Variants in DEPDC5 observed in about 807,000 individuals in gnomAD.
DEPDC5 encodes the protein DEP domain containing 5, GATOR1 subcomplex subunit, also known as GATOR1 complex protein DEPDC5.
In DEPDC5, 73 loss-of-function variants were observed where a neutral mutation model predicts 217.3. The observed-to-expected ratio is 0.34, with a 90% CI of 0.28 to 0.41. DEPDC5 has a LOEUF of 0.41. DEPDC5 is among the 10% of genes least tolerant of loss of function. DEPDC5 has a pLI of 1.00. For missense variants in DEPDC5, 1,675 were observed against 2,070.1 expected (o/e 0.81, Z 3.70); for synonymous variants, 733 against 756.7 (o/e 0.97, Z 0.51).
chr22:31,762,891 T>G (rs2082513992), intron 4 of DEPDC5, among the ~76,000 whole-genome samples: 1 of 152,166 alleles, frequency 6.6e-6, no homozygotes, highest in South Asian at 2.1e-4. Flanking sequence ...CTTGGCTGAC[T>G]GCAACCTGCG....
At position 31,906,199 on chromosome 22, in the gene DEPDC5, C is replaced by G. The variant is rs746025571; in HGVS notation, c.4520-6C>G. 1 of 1,613,688 alleles carries G rather than the reference C, an allele frequency of 6.2e-7. No homozygotes were observed. Among genetic ancestry groups the G allele is most frequent in the South Asian group, 1.1e-5 (1 of 91,076 alleles). On this transcript the variant is annotated splice_polypyrimidine_tract_variant and splice_region_variant and intron_variant, in intron 42 of 42. Transcript: ENST00000651528. This position sits in a 1 kb window ranked among gnomAD's most constrained non-coding sequence, Gnocchi z 5.1. ...CTGCCACACAGGCGCTCCCCTTTCT[C>G]TTCAGGAACAGTGTTTCTGCAGCTG...
chr22:31,896,884 T>G lies in DEPDC5; in HGVS notation c.4204-598T>G, dbSNP rs571028553. ...CCTATAATCCTAGCATTTGGGAGGC[T>G]GAGGCCAGCGGATCACCTGAGTCAG... On this transcript the variant is annotated intron_variant, in intron 39 of 42. Transcript: ENST00000651528. 1.7e-3 allele frequency among the ~76,000 whole-genome samples: 264 copies of G among 152,326 alleles called. 3 individuals carry two copies. Among genetic ancestry groups the G allele is most frequent in the Non-Finnish European group, 5.4e-4 (37 of 68,024 alleles).
At chr22:31,892,996 C>T (rs2093473638) in intron 38 of DEPDC5, among the ~76,000 whole-genome samples, 1 of 151,902 alleles carries the variant, frequency 6.6e-6, no homozygotes, top group Admixed American at 6.6e-5. Context: ...CTGCCTCAGC[C>T]TCCTGAGTAG....
Position 31,798,591 on chromosome 22 carries a change from C to T in DEPDC5, c.881C>T (p.Pro294Leu). ...LVRLEQAEGFPQGDNSTSAQG... is the reference protein window; with the variant it reads ...LVRLEQAEGFLQGDNSTSAQG... ...GCATATTTTGCTTCAGAGGGCTTTCCTCAAGGAGATAATTCTACCTCAGCA... is the reference window on the plus strand; with the variant it reads ...GCATATTTTGCTTCAGAGGGCTTTCTTCAAGGAGATAATTCTACCTCAGCA... Residue 294 changes from proline to leucine, a missense_variant, in exon 14 of 43, where the codon CCT (proline) becomes CTT (leucine). Pro to Leu is a moderately conservative substitution (Grantham distance 98). Around this residue, in one of 11 missense-constraint regions of DEPDC5, gnomAD observed 628 missense variants for 762.1 expected, o/e 0.82. Coordinates refer to ENST00000651528, the MANE Select transcript of DEPDC5 (RefSeq NM_001242896.3). 1 of 1,610,464 alleles carries T rather than the reference C, an allele frequency of 6.2e-7. No homozygotes were observed. Among genetic ancestry groups the T allele is most frequent in the Non-Finnish European group, 8.5e-7 (1 of 1,177,692 alleles).
At chr22:31,848,437 C>T (rs537010211) in intron 31 of DEPDC5, among the ~76,000 whole-genome samples, 2 of 152,364 alleles carry the variant, frequency 1.3e-5, no homozygotes, top group African/African-American at 4.8e-5. Context: ...TTCTTGACTT[C>T]TGTGTACCTG....
At chr22:31,865,636 G>A (rs1436058673) in intron 33 of DEPDC5, among the ~76,000 whole-genome samples, 2 of 152,232 alleles carry the variant, frequency 1.3e-5, no homozygotes, top group Non-Finnish European at 2.9e-5. Context: ...AGCACCTGCT[G>A]GGTGTAGGGC....
intron 2 of DEPDC5, chr22:31,757,147 A>G (rs1031530301): frequency 6.6e-6 from 1 of 151,960 alleles, no homozygotes; most frequent in East Asian, 1.9e-4. Flanking sequence ...GGAAGCTCCA[A>G]AGAGCATTTG....
chr22:31,838,937 T>C (rs1283447236), intron 27 of DEPDC5, 92 bp downstream of exon 27: 1 of 1,360,918 alleles, frequency 7.3e-7, no homozygotes, highest in Admixed American at 2.4e-5. Context: ...ATAAATTTAG[T>C]AGTAATCGTT....
chr22:31,790,686 A>G (rs896528425), intron 10 of DEPDC5, among the ~76,000 whole-genome samples: 52 of 151,876 alleles, frequency 3.4e-4, no homozygotes, highest in African/African-American at 1.2e-3. Flanking sequence ...TGCCAAGGCA[A>G]GTGGATCACT....
intron 24 of DEPDC5, among the ~76,000 whole-genome samples, chr22:31,823,390 A>G (rs1404323280): frequency 1.3e-5 from 2 of 152,062 alleles, no homozygotes; most frequent in Admixed American, 1.3e-4. Context: ...AAGATTAGCC[A>G]GGCATGGTGA....
chr22:31,842,575 CAAAAAAAAAAA>C (rs56671305), intron 27 of DEPDC5, among the ~76,000 whole-genome samples: 1 of 73,508 alleles, frequency 1.4e-5, no homozygotes, highest in African/African-American at 4.8e-5. Context: ...AACTCCATCT[CAAAAAAAAAAA>C]AAAAAAAAGA....
chr22:31,793,726 C>T (rs147699356), intron 12 of DEPDC5, among the ~76,000 whole-genome samples: 4 of 152,106 alleles, frequency 2.6e-5, no homozygotes, highest in East Asian at 1.9e-4. Flanking sequence ...CCCGTGACCA[C>T]GCCTGGCTAA....
At chr22:31,882,477 A>G (rs923069254) in intron 38 of DEPDC5, among the ~76,000 whole-genome samples, 2 of 152,244 alleles carry the variant, frequency 1.3e-5, no homozygotes, top group African/African-American at 4.8e-5. Flanking sequence ...ATAAATTTCA[A>G]ATATTCAAAT....
intron 13 of DEPDC5, among the ~76,000 whole-genome samples, chr22:31,798,355 TAA>T (rs2086490845): frequency 1.3e-5 from 2 of 152,086 alleles, no homozygotes; most frequent in Non-Finnish European, 2.9e-5. Flanking sequence ...CTGTCTCTAC[TAA>T]AAATACAAAA....
At chr22:31,819,367 C>T (rs1410065931) in intron 22 of DEPDC5, 142 bp downstream of exon 22, 12 of 813,050 alleles carry the variant, frequency 1.5e-5, no homozygotes, top group Non-Finnish European at 2.3e-5. Flanking sequence ...TTGGCCATCC[C>T]AGGGGTTCTT....
intron 31 of DEPDC5, among the ~76,000 whole-genome samples, chr22:31,850,158 T>A (rs1346733003): frequency 1.3e-5 from 2 of 152,184 alleles, no homozygotes; most frequent in Non-Finnish European, 2.9e-5. Context: ...GTTTTAAATT[T>A]GAAGATTCCA....
At chr22:31,900,767 A>G (rs901896103) in intron 40 of DEPDC5, among the ~76,000 whole-genome samples, 1 of 151,844 alleles carries the variant, frequency 6.6e-6, no homozygotes, top group African/African-American at 2.4e-5. Flanking sequence ...TGGGGGTAGT[A>G]GTTGTTCCTT....
intron 38 of DEPDC5, 61 bp downstream of exon 38, chr22:31,879,813 TG>T: frequency 6.7e-7 from 1 of 1,487,452 alleles, no homozygotes; most frequent in Non-Finnish European, 9.2e-7. Context: ...GGGAAAGTAG[TG>T]GCCAGCCAAG....
At chr22:31,808,510 C>T (rs553728893) in intron 18 of DEPDC5, among the ~76,000 whole-genome samples, 3 of 152,240 alleles carry the variant, frequency 2.0e-5, no homozygotes. Flanking sequence ...TCTCGGCTCA[C>T]TGCAACCTCC....
Sources: allele counts gnomAD v4.1 joint callset (sites outside exome capture counted in the v4.1 genomes callset), GRCh38; gene constraint gnomAD v4.1.1; regional missense constraint gnomAD v4.1.1; non-coding constraint Gnocchi (gnomAD v3.1); transcripts MANE v1.5; gene names NCBI Gene and HGNC (gene_info 2026-07-23, HGNC 2026-07-21).